DGKB: variants seen among roughly 807,000 people sequenced by gnomAD.
The protein encoded by DGKB is diacylglycerol kinase beta.
In DGKB, 67 loss-of-function variants were observed where a neutral mutation model predicts 114.3. The ratio of observed to expected loss-of-function variants is 0.59; its 90% CI spans 0.48 to 0.72. DGKB has a LOEUF of 0.72. Among genes scored for constraint, DGKB ranks in the 30% least tolerant of loss-of-function variants. The pLI is 0.00. For synonymous variants in DGKB, 398 were observed against 323.1 expected, an observed-to-expected ratio of 1.23 and a Z score of -2.49; for missense variants, 907 against 975.2, an observed-to-expected ratio of 0.93 and a Z score of 0.93.
At chr7:14,427,599 GTTTTC>G (rs1253272803) in intron 21 of DGKB, among the ~76,000 whole-genome samples, 1 of 152,100 alleles carries the variant, frequency 6.6e-6, no homozygotes, top group Non-Finnish European at 1.5e-5. Flanking sequence ...AAAAGAAAGA[GTTTTC>G]TTTACAGTTC....
chr7:14,215,007 A>T (rs2128313526), intron 23 of DGKB, among the ~76,000 whole-genome samples: 1 of 152,248 alleles, frequency 6.6e-6, no homozygotes, highest in African/African-American at 2.4e-5. Context: ...GTGAAGTGAA[A>T]GTCCAAGAAG....
At chr7:14,228,725 A>T (rs1322895098) in intron 23 of DGKB, among the ~76,000 whole-genome samples, 1 of 151,986 alleles carries the variant, frequency 6.6e-6, no homozygotes, top group African/African-American at 2.4e-5. Context: ...AGAAATTAAC[A>T]CTAAGATTTT....
chr7:14,330,912 AT>A (rs940337237), intron 23 of DGKB, among the ~76,000 whole-genome samples: 9 of 151,918 alleles, frequency 5.9e-5, no homozygotes, highest in Non-Finnish European at 1.0e-4. Flanking sequence ...TATATTGAAA[AT>A]TTTTTTATTT....
At chr7:14,170,070 G>A (rs762484790) in intron 25 of DGKB, among the ~76,000 whole-genome samples, 15 of 149,492 alleles carry the variant, frequency 1.0e-4, no homozygotes, top group Non-Finnish European at 2.1e-4. Context: ...GGAGGTGGAT[G>A]TTGCGGTGAG....
chr7:14,279,401 G>A (rs28831979), intron 23 of DGKB, among the ~76,000 whole-genome samples: 8,327 of 152,184 alleles, frequency 0.055, 577 homozygotes, highest in African/African-American at 0.15. Flanking sequence ...AGGCCTGCCT[G>A]CCTCTGTAGG....
At chr7:14,697,803 A>G (rs549004661) in intron 8 of DGKB, among the ~76,000 whole-genome samples, 60 of 149,678 alleles carry the variant, frequency 4.0e-4, no homozygotes, top group Admixed American at 9.3e-4. Flanking sequence ...AGGAAGGAAG[A>G]AAGAGAAAGA....
chr7:14,262,874 CA>C (rs1217418360), intron 23 of DGKB, among the ~76,000 whole-genome samples: 1 of 152,054 alleles, frequency 6.6e-6, no homozygotes, highest in East Asian at 1.9e-4. Context: ...CCCAGGGAAC[CA>C]AGAAAATCAG....
In DGKB at chr7:14,786,215, G is replaced by A. The variant is rs1393915230; in HGVS notation, c.71-28484C>T. On this transcript the variant is annotated intron_variant, in intron 2 of 25. Coordinates refer to ENST00000402815, the MANE Select transcript of DGKB (RefSeq NM_001350709.2). ...TAGTATGTAGTGGCTAGTTTCCTACGAACTTGGATATCTACAAATAACTAA... is the reference window on the plus strand; with the variant it reads ...TAGTATGTAGTGGCTAGTTTCCTACAAACTTGGATATCTACAAATAACTAA... Among the ~76,000 whole-genome samples, 3 of 151,852 alleles carry A rather than the reference G, an allele frequency of 2.0e-5. No homozygotes were observed. The South Asian group carries it at 6.2e-4, about 31-fold the overall frequency.
At chr7:14,379,399 GTTTTTTTTT>G (rs754264385) in intron 21 of DGKB, among the ~76,000 whole-genome samples, 1 of 139,456 alleles carries the variant, frequency 7.2e-6, no homozygotes, top group Admixed American at 7.1e-5. Flanking sequence ...AAATTATGGA[GTTTTTTTTT>G]TTTTTTTTTT....
intron 2 of DGKB, among the ~76,000 whole-genome samples, chr7:14,767,523 G>C (rs372997838): frequency 1.3e-5 from 2 of 151,728 alleles, no homozygotes; most frequent in African/African-American, 2.4e-5. Context: ...GCTAAGCTCC[G>C]GGGATTTCAT....
intron 21 of DGKB, among the ~76,000 whole-genome samples, chr7:14,352,020 T>A (rs190341001): frequency 6.6e-6 from 1 of 152,266 alleles, no homozygotes; most frequent in African/African-American, 2.4e-5. Flanking sequence ...TTTTTCATAT[T>A]TCTAGACAAC....
At position 14,718,619 on chromosome 7, in the gene DGKB, G is replaced by T. The variant is rs1412498072; in HGVS notation, c.389C>A (p.Pro130Gln). 5.6e-6 allele frequency: 9 copies of T among 1,611,992 alleles called. No homozygotes were observed. Among genetic ancestry groups the T allele is most frequent in the Non-Finnish European group, 7.6e-6 (9 of 1,178,440 alleles). The stretch of plus-strand genomic sequence containing the variant: ...AATGTCCTTCAGATGGATTACTTCT[G>T]GGGAACACGTATTTGCAGGAGAAGT... ...RTTSPANTCS[P>Q]EVIHLKDIVC... The change falls in exon 6 of 26, where the codon CCA becomes CAA. Residue 130 changes from proline to glutamine, a missense_variant. Transcript: ENST00000402815.
At chr7:14,255,907 C>T (rs1016269307) in intron 23 of DGKB, among the ~76,000 whole-genome samples, 1 of 151,964 alleles carries the variant, frequency 6.6e-6, no homozygotes, top group African/African-American at 2.4e-5. Flanking sequence ...CACTGAGGTC[C>T]TATTAAGTGT....
intron 1 of DGKB, among the ~76,000 whole-genome samples, chr7:14,887,460 T>C (rs1489772645): frequency 6.6e-6 from 1 of 151,782 alleles, no homozygotes; most frequent in Non-Finnish European, 1.5e-5. Context: ...TGGACCTTCT[T>C]CTCTGTGTAC....
intron 20 of DGKB, among the ~76,000 whole-genome samples, chr7:14,544,637 T>C (rs1452805420): frequency 6.6e-6 from 1 of 152,184 alleles, no homozygotes; most frequent in Admixed American, 6.5e-5. Flanking sequence ...ATTTAGGTTA[T>C]TATTTTTCAA....
chr7:14,810,998 T>A (rs1331102169), intron 2 of DGKB, among the ~76,000 whole-genome samples: 1 of 152,126 alleles, frequency 6.6e-6, no homozygotes, highest in African/African-American at 2.4e-5. Context: ...TATAGCCATG[T>A]GTGGCTAGTG....
At chr7:14,388,135 C>G (rs1250471262) in intron 21 of DGKB, among the ~76,000 whole-genome samples, 1 of 150,990 alleles carries the variant, frequency 6.6e-6, no homozygotes, top group African/African-American at 2.4e-5. Flanking sequence ...CCTTGGCCTC[C>G]CAAAGTGCTA....
At chr7:14,233,165 A>G (rs1792182719) in intron 23 of DGKB, among the ~76,000 whole-genome samples, 1 of 152,042 alleles carries the variant, frequency 6.6e-6, no homozygotes, top group South Asian at 2.1e-4. Flanking sequence ...AAGCCTATGT[A>G]TAAGAAGGGA....
At chr7:14,481,986 C>T (rs1055848977) in intron 20 of DGKB, among the ~76,000 whole-genome samples, 2 of 151,876 alleles carry the variant, frequency 1.3e-5, no homozygotes, top group African/African-American at 4.8e-5. Flanking sequence ...ATTCATATTT[C>T]TTCTTATGTG....
Sources: allele counts gnomAD v4.1 joint callset (sites outside exome capture counted in the v4.1 genomes callset), GRCh38; gene constraint gnomAD v4.1.1; transcripts MANE v1.5; gene names NCBI Gene and HGNC (gene_info 2026-07-23, HGNC 2026-07-21).